TBX4: variants seen among roughly 807,000 people sequenced by gnomAD.
The protein encoded by TBX4 is T-box transcription factor 4.
Under a neutral mutation model 54.6 loss-of-function variants are expected in TBX4, and 13 were observed. The observed-to-expected ratio is 0.24, with a 90% CI of 0.15 to 0.38. TBX4 has a LOEUF of 0.38. Ranked by LOEUF, TBX4 falls within the 10% of genes least tolerant of loss-of-function variation. The pLI, the probability that TBX4 is intolerant of heterozygous loss-of-function variation, is 1.00. For synonymous variants in TBX4, 314 were observed against 306.7 expected, an observed-to-expected ratio of 1.02 and a Z score of -0.25; for missense variants, 631 against 728.5, an observed-to-expected ratio of 0.87 and a Z score of 1.54.
rs2060476080 is a variant in TBX4, at chr17:61,459,134, G to A, written c.281+1503G>A. On this transcript the variant is annotated intron_variant, in intron 3 of 8. Coordinates refer to ENST00000644296, the MANE Select transcript of TBX4 (RefSeq NM_001321120.2). This position sits in a 1 kb window ranked among gnomAD's most constrained non-coding sequence, Gnocchi z 4.8. ...GAGATAGGGAAGGAAGACACATGAAGGGGCTGGCAGAGGGTGCGACATGGA... is the reference window on the plus strand; with the variant it reads ...GAGATAGGGAAGGAAGACACATGAAAGGGCTGGCAGAGGGTGCGACATGGA... 6.6e-6 allele frequency among the ~76,000 whole-genome samples: 1 copy of A among 152,244 alleles called. No homozygotes were observed. The highest frequency in any genetic ancestry group is 1.5e-5 in the Non-Finnish European group (1 of 68,040).
chr17:61,482,964 G>A lies in TBX4; in HGVS notation c.1089G>A (p.Gly363=). Reference sequence around the variant, plus strand: ...ATCTGGAAGCCCCCTCTTCGGTGGGGGAGGATCACTATTTCCGTTCCCCCC... The same window carrying A: ...ATCTGGAAGCCCCCTCTTCGGTGGGAGAGGATCACTATTTCCGTTCCCCCC... ...RSYLEAPSSV[G]EDHYFRSPPP... Residue 363 remains glycine (G), a synonymous_variant, in exon 9 of 9, where the codon GGG becomes GGA. Transcript: ENST00000644296. 1 of 1,613,990 alleles carries A rather than the reference G, an allele frequency of 6.2e-7. No individual in the cohort carries two copies. Among genetic ancestry groups the A allele is most frequent in the Non-Finnish European group, 8.5e-7 (1 of 1,179,982 alleles).
chr17:61,454,587 T>C (rs944200219), intron 1 of TBX4, among the ~76,000 whole-genome samples: 2 of 152,192 alleles, frequency 1.3e-5, no homozygotes, highest in African/African-American at 4.8e-5. Context: ...GAGGTCTGGA[T>C]GTGGCTTCGT....
In TBX4 at chr17:61,480,810, A is replaced by C. The variant is rs1243221602; in HGVS notation, c.1021+491A>C. On this transcript the variant is annotated intron_variant, in intron 8 of 8. Transcript: ENST00000644296. This position sits in a 1 kb window ranked among gnomAD's most constrained non-coding sequence, Gnocchi z 6.2. ...ATCTGCAGAGGCTGCTTGAGAGTTG[A>C]GATGAGCTATTGTGGATGTAGGTGG... Among the ~76,000 whole-genome samples, 1 of 152,116 alleles carries C rather than the reference A, an allele frequency of 6.6e-6. No individual in the cohort carries two copies. Among genetic ancestry groups the C allele is most frequent in the Non-Finnish European group, 1.5e-5 (1 of 68,018 alleles).
rs2060462982 is a variant in TBX4, at chr17:61,457,683, C to G, written c.281+52C>G. The stretch of plus-strand genomic sequence containing the variant: ...GGATGGCGGTGGGGAGCAAGGGGGG[C>G]CAGGGAGGTCCCTTAGAAGTCCTCT... On this transcript the variant is annotated intron_variant, in intron 3 of 8. Coordinates refer to ENST00000644296, the MANE Select transcript of TBX4 (RefSeq NM_001321120.2). The surrounding 1 kb of genome is among the most constrained non-coding windows in gnomAD (Gnocchi z 8.2). 4 of 1,560,314 alleles carry G rather than the reference C, an allele frequency of 2.6e-6. No homozygotes were observed. The South Asian group carries it at 3.4e-5, about 13-fold the overall frequency.
chr17:61,480,143 C>G lies in TBX4; in HGVS notation c.845C>G (p.Pro282Arg), dbSNP rs747409546. The change falls in exon 8 of 9, where the codon CCC becomes CGC. Residue 282 changes from proline to arginine, a missense_variant. Physicochemically the swap from Pro to Arg is moderately radical, Grantham distance 103. Transcript: ENST00000644296. The surrounding 1 kb of genome is among the most constrained non-coding windows in gnomAD (Gnocchi z 6.2). ...KSIMRQRLISPQLSATPDVGP... is the reference protein window; with the variant it reads ...KSIMRQRLISRQLSATPDVGP... ...ATCATGAGGCAGAGGCTCATCTCCCCCCAGCTCTCAGCCACACCGGACGTG... is the reference window on the plus strand; with the variant it reads ...ATCATGAGGCAGAGGCTCATCTCCCGCCAGCTCTCAGCCACACCGGACGTG... The G allele has an allele frequency of 1.2e-6, 2 of 1,614,168 alleles. No individual in the cohort carries two copies. The highest frequency in any genetic ancestry group is 1.1e-5 in the South Asian group (1 of 91,070).
chr17:61,462,468 G>C lies in TBX4; in HGVS notation c.282-3351G>C, dbSNP rs965875325. On this transcript the variant is annotated intron_variant, in intron 3 of 8. Transcript: ENST00000644296. The surrounding 1 kb of genome is among the most constrained non-coding windows in gnomAD (Gnocchi z 4.5). ...AGAAGGTGCGGGGCACGTGGAAAGCGTGCCGAGGGGCTGGGAAGAGGGAGG... is the reference window on the plus strand; with the variant it reads ...AGAAGGTGCGGGGCACGTGGAAAGCCTGCCGAGGGGCTGGGAAGAGGGAGG... Among the ~76,000 whole-genome samples the C allele has an allele frequency of 6.6e-6, 1 of 152,028 alleles. No individual in the cohort carries two copies. The highest frequency in any genetic ancestry group is 1.5e-5 in the Non-Finnish European group (1 of 67,974).
At position 61,462,166 on chromosome 17, in the gene TBX4, T is replaced by C. The variant is rs1234457264; in HGVS notation, c.282-3653T>C. Among the ~76,000 whole-genome samples, 1 of 151,908 alleles carries C rather than the reference T, an allele frequency of 6.6e-6. No homozygotes were observed. Among genetic ancestry groups the C allele is most frequent in the African/African-American group, 2.4e-5 (1 of 41,338 alleles). On this transcript the variant is annotated intron_variant, in intron 3 of 8. Coordinates refer to ENST00000644296, the MANE Select transcript of TBX4 (RefSeq NM_001321120.2). The surrounding 1 kb of genome is among the most constrained non-coding windows in gnomAD (Gnocchi z 4.5). ...AACACCGAGAAACGTCCGAGGAAGC[T>C]TATCTTAGCAGTTCATTCTAAAGCC...
In TBX4 at chr17:61,457,144, C is replaced by A. The variant is rs1057403815; in HGVS notation, c.187-393C>A. ...ACGATCACAGCGCACGGGATGCCGC[C>A]TGGGGATCTGTGTGCACTATCTGCA... On this transcript the variant is annotated intron_variant, in intron 2 of 8. Coordinates refer to ENST00000644296, the MANE Select transcript of TBX4 (RefSeq NM_001321120.2). This position sits in a 1 kb window ranked among gnomAD's most constrained non-coding sequence, Gnocchi z 8.2. Among the ~76,000 whole-genome samples the A allele has an allele frequency of 2.6e-5, 4 of 152,134 alleles. No individual in the cohort carries two copies. Among genetic ancestry groups the A allele is most frequent in the African/African-American group, 9.7e-5 (4 of 41,444 alleles).
Position 61,476,728 on chromosome 17 carries a change from G to T in TBX4, c.550-1899G>T, listed in dbSNP as rs143549007. On this transcript the variant is annotated intron_variant, in intron 5 of 8. Coordinates refer to ENST00000644296, the MANE Select transcript of TBX4 (RefSeq NM_001321120.2). The surrounding 1 kb of genome is among the most constrained non-coding windows in gnomAD (Gnocchi z 6.5). Reference sequence around the variant, plus strand: ...GGGAGTTATGTACTTGCCTCGTGAAGGTCTGGAGGTTTGTCACTGAGGGCT... The same window carrying T: ...GGGAGTTATGTACTTGCCTCGTGAATGTCTGGAGGTTTGTCACTGAGGGCT... 7.9e-5 allele frequency among the ~76,000 whole-genome samples: 12 copies of T among 152,342 alleles called. No individual in the cohort carries two copies. Among genetic ancestry groups the T allele is most frequent in the Admixed American group, 2.6e-4 (4 of 15,306 alleles).
Position 61,472,298 on chromosome 17 carries a change from C to T in TBX4, c.549+4641C>T, listed in dbSNP as rs1023590468. ...TATATATTTCCACCACTGCTGTGGC[C>T]TTACCAATAAGGGCGGGAGAGCAAA... On this transcript the variant is annotated intron_variant, in intron 5 of 8. Transcript: ENST00000644296. The surrounding 1 kb of genome is among the most constrained non-coding windows in gnomAD (Gnocchi z 4.5). Among the ~76,000 whole-genome samples, 2 of 152,202 alleles carry T rather than the reference C, an allele frequency of 1.3e-5. No individual in the cohort carries two copies. The highest frequency in any genetic ancestry group is 4.8e-5 in the African/African-American group (2 of 41,442).
intron 5 of TBX4, among the ~76,000 whole-genome samples, chr17:61,468,206 T>A (rs1026423730): frequency 6.6e-6 from 1 of 152,224 alleles, no homozygotes; most frequent in Admixed American, 6.5e-5. Context: ...CTGGCTCACA[T>A]GTTAGCTCCT....
intron 3 of TBX4, among the ~76,000 whole-genome samples, chr17:61,463,742 G>A (rs960724630): frequency 1.4e-4 from 22 of 152,266 alleles, no homozygotes; most frequent in African/African-American, 4.6e-4. Flanking sequence ...GAAACAAGCT[G>A]AGTGCAGGCC....
At chr17:61,458,284 G>A (rs1167959536) in intron 3 of TBX4, among the ~76,000 whole-genome samples, 2 of 145,042 alleles carry the variant, frequency 1.4e-5, no homozygotes, top group Non-Finnish European at 3.0e-5. Context: ...ATGAGAGGAG[G>A]AAGACTCACG....
chr17:61,478,924 C>T lies in TBX4; in HGVS notation c.702+145C>T. Reference sequence around the variant, plus strand: ...CAGGGACCTCAGAAGCCTAGAGTCCCTCGGAGCCGCGAGCAAATCGAATGA... The same window carrying T: ...CAGGGACCTCAGAAGCCTAGAGTCCTTCGGAGCCGCGAGCAAATCGAATGA... On this transcript the variant is annotated intron_variant, in intron 6 of 8. Transcript: ENST00000644296. This position sits in a 1 kb window ranked among gnomAD's most constrained non-coding sequence, Gnocchi z 7.4. 1.6e-6 allele frequency: 2 copies of T among 1,260,566 alleles called. No individual in the cohort carries two copies. Among genetic ancestry groups the T allele is most frequent in the Non-Finnish European group, 1.1e-6 (1 of 876,204 alleles). The allele number at this position is 1,260,566 out of a possible 1,614,324, so 78.1% of individuals were successfully genotyped here. A position where few individuals can be genotyped will look rare whatever the true frequency, so the allele number is the denominator to read the frequency against.
At chr17:61,466,118 G>A (rs2060535984) in intron 4 of TBX4, among the ~76,000 whole-genome samples, 180 bp downstream of exon 4, 1 of 152,184 alleles carries the variant, frequency 6.6e-6, no homozygotes, top group Non-Finnish European at 1.5e-5. Flanking sequence ...ATGTCTGCAT[G>A]CCTGCTTCAG....
In TBX4 at chr17:61,465,514, T is replaced by C. The variant is rs1235517455; in HGVS notation, c.282-305T>C. On this transcript the variant is annotated intron_variant, in intron 3 of 8. Coordinates refer to ENST00000644296, the MANE Select transcript of TBX4 (RefSeq NM_001321120.2). This position sits in a 1 kb window ranked among gnomAD's most constrained non-coding sequence, Gnocchi z 4.9. ...CTGTGCTTCAGCTGCTCATGGGCACTAGCCCCAAGTCTTAGGGGATTATGG... is the reference window on the plus strand; with the variant it reads ...CTGTGCTTCAGCTGCTCATGGGCACCAGCCCCAAGTCTTAGGGGATTATGG... Among the ~76,000 whole-genome samples, 2 of 152,228 alleles carry C rather than the reference T, an allele frequency of 1.3e-5. No individual in the cohort carries two copies. Among genetic ancestry groups the C allele is most frequent in the Non-Finnish European group, 2.9e-5 (2 of 68,046 alleles).
chr17:61,467,851 G>A (rs1380975370), intron 5 of TBX4, among the ~76,000 whole-genome samples, 194 bp downstream of exon 5: 3 of 152,194 alleles, frequency 2.0e-5, no homozygotes, highest in Admixed American at 6.5e-5. Flanking sequence ...GCCACTTACT[G>A]GCTGGGTAAC....
At position 61,484,971 on chromosome 17, in the gene TBX4, T is replaced by TATAA. The variant is rs1491012340; in HGVS notation, c.*1456_*1457insTAAA. The TATAA allele has an allele frequency of 7.1e-6, 1 of 140,528 alleles. No individual in the cohort carries two copies. The highest frequency in any genetic ancestry group is 7.2e-5 in the Admixed American group (1 of 13,838). 8.7% of individuals were successfully genotyped at this position (140,528 alleles called of 1,614,324 possible). On this transcript the variant is annotated 3_prime_UTR_variant, in exon 9 of 9. Coordinates refer to ENST00000644296, the MANE Select transcript of TBX4 (RefSeq NM_001321120.2). The surrounding 1 kb of genome is among the most constrained non-coding windows in gnomAD (Gnocchi z 4.1). ...ATATATATATATATATATATATATA[T>TATAA]AAACACACACACACTACAGATAAGG...
chr17:61,470,216 C>T (rs1267025250), intron 5 of TBX4, among the ~76,000 whole-genome samples: 1 of 152,224 alleles, frequency 6.6e-6, no homozygotes, highest in Non-Finnish European at 1.5e-5. Flanking sequence ...CCCATTTCCT[C>T]ATCCCAGGAG....
Sources: allele counts gnomAD v4.1 joint callset (sites outside exome capture counted in the v4.1 genomes callset), GRCh38; gene constraint gnomAD v4.1.1; non-coding constraint Gnocchi (gnomAD v3.1); transcripts MANE v1.5; gene names NCBI Gene and HGNC (gene_info 2026-07-23, HGNC 2026-07-21).